The following ACYP1 variants were observed in gnomAD, a reference collection of about 807,000 sequenced individuals.
The protein encoded by ACYP1 is acylphosphatase-1.
A neutral mutation model predicts 10.4 loss-of-function variants in ACYP1; 8 were observed. The observed-to-expected ratio is 0.77, with a 90% CI of 0.45 to 1.38. The LOEUF (loss-of-function observed/expected upper bound fraction) is 1.38, where lower values mean the gene tolerates loss of function less well. ACYP1 is among the 40% of genes most tolerant of loss of function. The pLI is 0.00. For synonymous variants in ACYP1, 38 were observed against 40.8 expected (o/e 0.93, Z 0.26); for missense variants, 93 against 117.3 (o/e 0.79, Z 0.96).
At chr14:75,061,225 A>G (rs1418586088) in intron 2 of ACYP1, among the ~76,000 whole-genome samples, 1 of 152,188 alleles carries the variant, frequency 6.6e-6, no homozygotes, top group Non-Finnish European at 1.5e-5. Context: ...AATGTTCTGG[A>G]ATTAGTGCAA....
intron 2 of ACYP1, among the ~76,000 whole-genome samples, chr14:75,062,659 C>CAAAAA (rs534860020): frequency 1.1e-3 from 111 of 103,330 alleles, no homozygotes; most frequent in African/African-American, 2.1e-3. Context: ...ACTAAAAATA[C>CAAAAA]AAAAAAAAAA....
At chr14:75,065,352 T>C (rs1893125066), upstream of ACYP1, among the ~76,000 whole-genome samples, 1 of 152,166 alleles carries the variant, frequency 6.6e-6, no homozygotes, top group Non-Finnish European at 1.5e-5. Flanking sequence ...TTCTGCTAGT[T>C]CCCCGCTAGA....
intron 2 of ACYP1, among the ~76,000 whole-genome samples, chr14:75,058,805 G>T (rs984540857): frequency 4.1e-5 from 6 of 146,040 alleles, no homozygotes; most frequent in Non-Finnish European, 3.0e-5. Context: ...ATATTCATAT[G>T]CAAAAGAATA....
rs372222270 is a variant in ACYP1 at position 75,056,567 on chromosome 14, C to T, written c.85-2908G>A. Among the ~76,000 whole-genome samples the T allele has an allele frequency of 1.1e-4, 16 of 150,530 alleles. 2 individuals are homozygous for T. The East Asian group carries it at 1.4e-3, about 13-fold the overall frequency. On this transcript the variant is annotated intron_variant, in intron 2 of 2. Coordinates refer to ENST00000238618, the MANE Select transcript of ACYP1 (RefSeq NM_001107.5). The stretch of plus-strand genomic sequence containing the variant: ...CAGCCTCCCAAAAACAAAGCTGTCA[C>T]GAGAAAAAACAACCAAAAAACCATA...
At chr14:75,061,640 C>T in intron 2 of ACYP1, 1 of 1,432,142 alleles carries the variant, frequency 7.0e-7, no homozygotes, top group Non-Finnish European at 9.6e-7. Context: ...TTTGACTAAT[C>T]TTTGAAGCTG....
upstream of ACYP1, among the ~76,000 whole-genome samples, chr14:75,068,111 G>A (rs951521067): frequency 6.6e-6 from 1 of 151,958 alleles, no homozygotes; most frequent in Non-Finnish European, 1.5e-5. Context: ...CCAACATGGT[G>A]AAACTCTGTC....
chr14:75,054,881 G>GT lies in ACYP1; in HGVS notation c.85-1223dup, dbSNP rs542422070. Among the ~76,000 whole-genome samples the GT allele has an allele frequency of 5.6e-3, 845 of 151,552 alleles. 15 individuals carry two copies. The highest frequency in any genetic ancestry group is 8.3e-3 in the Non-Finnish European group (567 of 67,976). On this transcript the variant is annotated intron_variant, in intron 2 of 2. Transcript: ENST00000238618. ...GAAGAATGCTGAGAATGAATTTTGA[G>GT]TAAGACTCCGCATCCAACTGACAGG...
In ACYP1 at chr14:75,053,575, A is replaced by G. The variant is rs1892799896; in HGVS notation, c.169T>C (p.Ser57Pro). The G allele has an allele frequency of 6.2e-7, 1 of 1,614,134 alleles. No individual in the cohort carries two copies. The highest frequency in any genetic ancestry group is 8.5e-7 in the Non-Finnish European group (1 of 1,180,030). The change falls in exon 3 of 3, where the codon TCC (serine) becomes CCC (proline). Residue 57 changes from serine (S) to proline (P), a missense_variant. Transcript: ENST00000238618. The part of the protein sequence containing the change: ...TVQGQLQGPI[S>P]KVRHMQEWLE... ...CATTCCTGCATATGACGCACCTTGG[A>G]GATGGGACCTTGCAATTGTCCTTGC... is the stretch of plus-strand genomic sequence containing the variant.
chr14:75,054,791 G>A (rs1892833798), intron 2 of ACYP1, among the ~76,000 whole-genome samples: 1 of 151,496 alleles, frequency 6.6e-6, no homozygotes, highest in Non-Finnish European at 1.5e-5. Flanking sequence ...GGAAATTAAG[G>A]AATGAAGAAA....
At chr14:75,060,951 C>T (rs118010860) in intron 2 of ACYP1, among the ~76,000 whole-genome samples, 9,671 of 152,084 alleles carry the variant, frequency 0.064, 377 homozygotes, top group Non-Finnish European at 0.095. Flanking sequence ...CCTGTAATCC[C>T]GGCTACCTGG....
At chr14:75,056,581 C>G (rs771754438) in intron 2 of ACYP1, among the ~76,000 whole-genome samples, 1 of 150,778 alleles carries the variant, frequency 6.6e-6, no homozygotes, top group Non-Finnish European at 1.5e-5. Context: ...AAAAAACAAC[C>G]AAAAAACCAT....
Position 75,063,512 on chromosome 14 carries a change from A to C in ACYP1, c.42T>G (p.Ile14Met), listed in dbSNP as rs916855134. 3.1e-6 allele frequency: 5 copies of C among 1,613,820 alleles called. No individual in the cohort carries two copies. Among genetic ancestry groups the C allele is most frequent in the Non-Finnish European group, 4.2e-6 (5 of 1,179,912 alleles). The change falls in exon 2 of 3, where the codon ATT (isoleucine) becomes ATG (methionine). Residue 14 changes from isoleucine to methionine, a missense_variant. Coordinates refer to ENST00000238618, the MANE Select transcript of ACYP1 (RefSeq NM_001107.5). ...GNTLISVDYEIFGKVQGVFFR... is the reference protein window; with the variant it reads ...GNTLISVDYEMFGKVQGVFFR... ...AAAACACCCCTTGCACCTTCCCAAA[A>C]ATTTCATAATCCACTGATATCAGGG...
At chr14:75,069,189 AGC>A (rs779323584) in intron 1 of ACYP1, 22 of 1,516,080 alleles carry the variant, frequency 1.5e-5, no homozygotes, top group South Asian at 1.4e-4. Context: ...ACAAGCAAGG[AGC>A]GCGCGCGTGC....
rs1893095653 is a variant in ACYP1, at chr14:75,063,960, T to C, written c.-15A>G. On this transcript the variant is annotated 5_prime_UTR_variant, in exon 1 of 3. Transcript: ENST00000238618. ...GGGGCCCCTGGCGGCTCACCCTCCT[T>C]GTCTTCCCCACCGGCTGCCAGGATC... is the stretch of plus-strand genomic sequence containing the variant. 4.0e-6 allele frequency: 4 copies of C among 999,354 alleles called. No individual in the cohort carries two copies. The South Asian group carries it at 1.7e-4, about 43-fold the overall frequency. 61.9% of individuals were successfully genotyped at this position (999,354 alleles called of 1,614,324 possible).
intron 2 of ACYP1, chr14:75,060,041 T>C (rs781280540): frequency 1.7e-5 from 7 of 411,232 alleles, no homozygotes; most frequent in African/African-American, 6.2e-5. Flanking sequence ...AACAGAACAA[T>C]GTGAATGTGC....
intron 2 of ACYP1, among the ~76,000 whole-genome samples, chr14:75,058,524 CCCAGGA>C (rs1460059396): frequency 6.6e-6 from 1 of 151,210 alleles, no homozygotes; most frequent in Non-Finnish European, 1.5e-5. Context: ...CCTCCCACCC[CCCAGGA>C]AGAGCATTAA....
At chr14:75,054,613 G>A (rs1268297119) in intron 2 of ACYP1, among the ~76,000 whole-genome samples, 1 of 151,592 alleles carries the variant, frequency 6.6e-6, no homozygotes, top group African/African-American at 2.4e-5. Context: ...ATGTCAAAAT[G>A]TGGGAAATTG....
At position 75,063,480 on chromosome 14, in the gene ACYP1, T is replaced by G; in HGVS notation, c.74A>C (p.Lys25Thr). 6.2e-7 allele frequency: 1 copy of G among 1,613,734 alleles called. No individual in the cohort carries two copies. Reference protein sequence around the residue: ...FGKVQGVFFRKHTQAEGKKLG... With the variant: ...FGKVQGVFFRTHTQAEGKKLG... ...CTGCAGGCCACATACCTGAGTATGC[T>G]TACGGAAAAACACCCCTTGCACCTT... Residue 25 changes from lysine to threonine, a missense_variant, in exon 2 of 3, where the codon AAG becomes ACG. Transcript: ENST00000238618.
chr14:75,068,590 C>T (rs988169670), upstream of ACYP1, among the ~76,000 whole-genome samples: 3 of 151,588 alleles, frequency 2.0e-5, no homozygotes, highest in African/African-American at 7.3e-5. Flanking sequence ...AAAAGAAAGC[C>T]GGTAAATTCT....
Sources: gnomAD v4.1 joint callset for allele counts (sites outside exome capture counted in the v4.1 genomes callset) on GRCh38, gnomAD v4.1.1 for gene constraint, MANE v1.5 for transcripts, NCBI Gene and HGNC (gene_info 2026-07-23, HGNC 2026-07-21) for gene names.